The following ATP13A3 variants were observed in gnomAD, a reference collection of about 807,000 sequenced individuals.
ATP13A3 encodes the protein ATPase 13A3, also known as polyamine-transporting ATPase 13A3.
ATP13A3 carries 59 observed loss-of-function variants against 158.1 expected under a neutral mutation model. The observed-to-expected ratio is 0.37, with a 90% CI of 0.30 to 0.46. The LOEUF is 0.46. Ranked by LOEUF, ATP13A3 falls within the 20% of genes least tolerant of loss-of-function variation. The pLI is 1.00. For missense variants in ATP13A3, 1,166 were observed against 1,525.2 expected (o/e 0.76, Z 3.92); for synonymous variants, 491 against 504.3 (o/e 0.97, Z 0.35).
chr3:194,420,586 T>A (rs1218954857), intron 30 of ATP13A3, among the ~76,000 whole-genome samples: 2 of 152,180 alleles, frequency 1.3e-5, no homozygotes, highest in African/African-American at 4.8e-5. Context: ...GATCTACTAT[T>A]TTTCAAAGTG....
In ATP13A3 at chr3:194,447,933, A is replaced by T. The variant is rs776103444; in HGVS notation, c.1227T>A (p.Asp409Glu). ...CAAGACATAGTAGAAACAAGTAGGC[A>T]TCTCTGTAGAGTTTAAAATCAGTTG... ...PKPTDFKLYR[D>E]AYLFLLCLVA... Residue 409 changes from aspartate (D) to glutamate (E), a missense_variant, in exon 13 of 34, where the codon GAT (aspartate) becomes GAA (glutamate). By Grantham distance (45) the Asp-to-Glu change is conservative. Around this residue, in one of 3 missense-constraint regions of ATP13A3, gnomAD observed 997 missense variants for 1,341.2 expected, o/e 0.74. Transcript: ENST00000645319. 4 of 1,610,618 alleles carry T rather than the reference A, an allele frequency of 2.5e-6. No homozygotes were observed. In the South Asian group the frequency reaches 4.4e-5, roughly 18 times the overall value.
intron 20 of ATP13A3, among the ~76,000 whole-genome samples, chr3:194,435,009 G>A (rs975368308): frequency 1.3e-4 from 20 of 152,198 alleles, no homozygotes; most frequent in Non-Finnish European, 1.0e-4. Context: ...AATGGGGAAG[G>A]AGGAGGGTCT....
At chr3:194,463,707 T>G (rs2108987644) in intron 2 of ATP13A3, among the ~76,000 whole-genome samples, 1 of 152,324 alleles carries the variant, frequency 6.6e-6, no homozygotes, top group South Asian at 2.1e-4. Context: ...ACTGAATAAA[T>G]GACCTGATTT....
rs767339164 is a variant in ATP13A3 at position 194,460,836 on chromosome 3, A to G, written c.52-5T>C. 1 of 1,612,190 alleles carries G rather than the reference A, an allele frequency of 6.2e-7. No homozygotes were observed. The highest frequency in any genetic ancestry group is 1.1e-5 in the South Asian group (1 of 90,794). On this transcript the variant is annotated splice_region_variant and splice_polypyrimidine_tract_variant and intron_variant, in intron 3 of 33. Coordinates refer to ENST00000645319, the MANE Select transcript of ATP13A3 (RefSeq NM_001367549.1). The stretch of plus-strand genomic sequence containing the variant: ...CAAATTGTAACCATAAATCTCCTGC[A>G]TGGACACAGCGATCACATGATTAAT...
At chr3:194,431,456 T>C (rs1381753644) in intron 22 of ATP13A3, among the ~76,000 whole-genome samples, 1 of 152,224 alleles carries the variant, frequency 6.6e-6, no homozygotes, top group Non-Finnish European at 1.5e-5. Context: ...TTACCACTAG[T>C]TACCTGAAGA....
At chr3:194,450,005 C>T (rs1718694094) in intron 11 of ATP13A3, 140 bp downstream of exon 11, 8 of 905,778 alleles carry the variant, frequency 8.8e-6, no homozygotes, top group Non-Finnish European at 1.3e-5. Context: ...TCGGTCTACT[C>T]AGAATTTTAA....
intron 2 of ATP13A3, among the ~76,000 whole-genome samples, chr3:194,480,319 C>T (rs539451950): frequency 6.2e-4 from 95 of 152,278 alleles, no homozygotes; most frequent in African/African-American, 2.2e-3. Context: ...ATACACCATG[C>T]CCTCTCCCAG....
intron 2 of ATP13A3, among the ~76,000 whole-genome samples, chr3:194,464,583 C>T (rs1300231845): frequency 2.0e-5 from 3 of 152,176 alleles, no homozygotes; most frequent in Non-Finnish European, 2.9e-5. Context: ...GCTATCATCA[C>T]CTGAATGTGT....
chr3:194,466,063 A>T (rs2108998430), intron 2 of ATP13A3, among the ~76,000 whole-genome samples: 1 of 152,294 alleles, frequency 6.6e-6, no homozygotes. Flanking sequence ...TCTGAACTGA[A>T]TAAAAATGAT....
intron 20 of ATP13A3, among the ~76,000 whole-genome samples, chr3:194,436,322 T>C (rs1056009365): frequency 6.6e-6 from 1 of 152,178 alleles, no homozygotes; most frequent in Non-Finnish European, 1.5e-5. Context: ...TATGACACTG[T>C]CATTTGACGG....
intron 2 of ATP13A3, among the ~76,000 whole-genome samples, chr3:194,473,017 G>A (rs1720376585): frequency 6.6e-6 from 1 of 152,024 alleles, no homozygotes; most frequent in South Asian, 2.1e-4. Context: ...GGAAGGGGTG[G>A]GGCAAGGGTA....
chr3:194,420,333 G>C (rs1716203029), intron 30 of ATP13A3: 1 of 155,414 alleles, frequency 6.4e-6, no homozygotes, highest in Non-Finnish European at 1.4e-5. Context: ...ACAAATAAGA[G>C]ACTAAACTAT....
chr3:194,420,424 A>AT (rs1716209061), intron 30 of ATP13A3: 1 of 153,398 alleles, frequency 6.5e-6, no homozygotes, highest in South Asian at 2.1e-4. Context: ...AATAACACTT[A>AT]TTTTCAGTAT....
intron 30 of ATP13A3, among the ~76,000 whole-genome samples, chr3:194,423,303 C>T: frequency 6.6e-6 from 1 of 152,266 alleles, no homozygotes; most frequent in East Asian, 1.9e-4. Flanking sequence ...CCTTAAACGC[C>T]TAAGGCTGAG....
intron 14 of ATP13A3, 92 bp from the exon 15 acceptor site, chr3:194,444,878 A>AATGCTGTGTG: frequency 4.3e-6 from 4 of 924,656 alleles, no homozygotes; most frequent in Non-Finnish European, 6.7e-6. Flanking sequence ...ACACAGCATT[A>AATGCTGTGTG]GAAACTATGC....
intron 11 of ATP13A3, among the ~76,000 whole-genome samples, chr3:194,449,224 A>C (rs1302533064): frequency 6.6e-6 from 1 of 152,166 alleles, no homozygotes; most frequent in Non-Finnish European, 1.5e-5. Flanking sequence ...GCTTCAAAGA[A>C]GGCATGTGTG....
At chr3:194,460,128 G>A (rs879868219) in intron 4 of ATP13A3, among the ~76,000 whole-genome samples, 157 bp from the exon 5 acceptor site, 2 of 152,274 alleles carry the variant, frequency 1.3e-5, no homozygotes, top group South Asian at 2.1e-4. Flanking sequence ...TCATGAGGAT[G>A]CTTAAATTCA....
At chr3:194,417,954 C>CGGAAGGAA (rs1491273681) in intron 31 of ATP13A3, among the ~76,000 whole-genome samples, 29 of 77,950 alleles carry the variant, frequency 3.7e-4, no homozygotes, top group African/African-American at 1.0e-3. Context: ...GACAGACGGA[C>CGGAAGGAA]GGACGGAAGG....
At chr3:194,463,863 T>C (rs1033552402) in intron 2 of ATP13A3, among the ~76,000 whole-genome samples, 5 of 152,314 alleles carry the variant, frequency 3.3e-5, no homozygotes, top group Admixed American at 1.3e-4. Context: ...AAGCAACCAA[T>C]AAGAGGGGTC....
Sources: gnomAD v4.1 joint callset for allele counts (sites outside exome capture counted in the v4.1 genomes callset) on GRCh38, gnomAD v4.1.1 for gene constraint, gnomAD v4.1.1 regional missense constraint, MANE v1.5 for transcripts, NCBI Gene and HGNC (gene_info 2026-07-23, HGNC 2026-07-21) for gene names.